Variants in CRACD observed in about 807,000 individuals in gnomAD.
CRACD encodes the protein capping protein-inhibiting regulator of actin dynamics.
In CRACD, 56 loss-of-function variants were observed where a neutral mutation model predicts 106.8. The observed-to-expected ratio is 0.52, with a 90% CI of 0.42 to 0.66. CRACD has a LOEUF of 0.66. Ranked by LOEUF, CRACD falls within the 30% of genes least tolerant of loss-of-function variation. CRACD has a pLI of 0.00. For missense variants in CRACD, 1,730 were observed against 1,623.2 expected (o/e 1.07, Z -1.13); for synonymous variants, 754 against 670.8 (o/e 1.12, Z -1.92).
intron 1 of CRACD, among the ~76,000 whole-genome samples, chr4:56,141,871 AT>A (rs1273791311): frequency 3.3e-5 from 5 of 151,366 alleles, no homozygotes; most frequent in Non-Finnish European, 7.4e-5. Flanking sequence ...TTAAAAAAAA[AT>A]TATAGAGATG....
chr4:56,268,758 T>C (rs1314054189), intron 2 of CRACD, among the ~76,000 whole-genome samples: 7 of 152,222 alleles, frequency 4.6e-5, no homozygotes, highest in Non-Finnish European at 8.8e-5. Flanking sequence ...CAGAATGTTT[T>C]TACATTTAAA....
At chr4:56,053,218 G>A (rs936830193) in intron 1 of CRACD, among the ~76,000 whole-genome samples, 2 of 152,180 alleles carry the variant, frequency 1.3e-5, no homozygotes, top group African/African-American at 4.8e-5. Context: ...GTACTTCATA[G>A]TGTATTGATT....
intron 2 of CRACD, among the ~76,000 whole-genome samples, chr4:56,258,493 T>G (rs747815441): frequency 9.2e-5 from 14 of 152,252 alleles, no homozygotes; most frequent in Admixed American, 3.9e-4. Context: ...TGATTGAGAC[T>G]TGTCTCAGAT....
At chr4:56,254,442 T>C (rs1316691558) in intron 2 of CRACD, among the ~76,000 whole-genome samples, 1 of 151,746 alleles carries the variant, frequency 6.6e-6, no homozygotes, top group Non-Finnish European at 1.5e-5. Context: ...AGTGTAGCAC[T>C]ATTCACAGAT....
intron 2 of CRACD, among the ~76,000 whole-genome samples, chr4:56,262,467 G>A (rs538960456): frequency 7.9e-5 from 12 of 152,294 alleles, no homozygotes; most frequent in African/African-American, 1.9e-4. Flanking sequence ...AGTGCAGCCA[G>A]CCCCACACAA....
At chr4:56,120,934 A>G (rs1012204391) in intron 1 of CRACD, among the ~76,000 whole-genome samples, 2 of 152,236 alleles carry the variant, frequency 1.3e-5, no homozygotes, top group Non-Finnish European at 1.5e-5. Context: ...TGCATTTCAC[A>G]TATAGAACAC....
intron 1 of CRACD, among the ~76,000 whole-genome samples, chr4:56,157,088 G>T (rs1051480382): frequency 9.2e-5 from 14 of 152,176 alleles, no homozygotes; most frequent in Non-Finnish European, 1.3e-4. Context: ...TATAATGAAT[G>T]CTTTTATTAA....
rs185905554 is a variant in CRACD at position 56,283,668 on chromosome 4, C to A, written c.-17+11176C>A. Among the ~76,000 whole-genome samples the A allele has an allele frequency of 2.6e-3, 402 of 152,318 alleles. 4 individuals carry two copies. The highest frequency in any genetic ancestry group is 0.015 in the South Asian group (71 of 4,822). On this transcript the variant is annotated intron_variant, in intron 3 of 10. Coordinates refer to ENST00000682029, the MANE Select transcript of CRACD (RefSeq NM_001393381.1). ...GGCTCACTGTGCGGCCTAATGGCGG[C>A]TGTGGCTCCTGATGCCTAGGCTCTA...
At chr4:56,263,066 AAG>A (rs1209293808) in intron 2 of CRACD, among the ~76,000 whole-genome samples, 1 of 152,098 alleles carries the variant, frequency 6.6e-6, no homozygotes, top group African/African-American at 2.4e-5. Context: ...AGGGAACTTG[AAG>A]TCTAGAAGGG....
chr4:56,223,503 T>TTA (rs1739154075), intron 2 of CRACD, among the ~76,000 whole-genome samples: 2 of 152,230 alleles, frequency 1.3e-5, no homozygotes, highest in Non-Finnish European at 2.9e-5. Context: ...TTTTAATATT[T>TTA]TAGTCTTTGT....
At chr4:56,139,867 A>G (rs1735133808) in intron 1 of CRACD, among the ~76,000 whole-genome samples, 1 of 152,196 alleles carries the variant, frequency 6.6e-6, no homozygotes, top group African/African-American at 2.4e-5. Flanking sequence ...CACATATTTA[A>G]GCTTTGCATT....
rs1317056942 is a variant in CRACD at position 56,315,640 on chromosome 4, C to T, written c.2138C>T (p.Pro713Leu). 3.1e-6 allele frequency: 5 copies of T among 1,614,048 alleles called. No individual in the cohort carries two copies. The highest frequency in any genetic ancestry group is 2.7e-5 in the African/African-American group (2 of 74,922). ...TCCCGCGGGAACCAACGGAAGACTCCGCCAGTCAATGCAAAGTTCTCTATT... is the reference window on the plus strand; with the variant it reads ...TCCCGCGGGAACCAACGGAAGACTCTGCCAGTCAATGCAAAGTTCTCTATT... ...CDSRGNQRKTPPVNAKFSIMP... is the reference protein window; with the variant it reads ...CDSRGNQRKTLPVNAKFSIMP... Residue 713 changes from proline (P) to leucine (L), a missense_variant, in exon 8 of 11, where the codon CCG becomes CTG. Physicochemically the swap from Pro to Leu is moderately conservative, Grantham distance 98. Transcript: ENST00000682029. This position sits in a 1 kb window ranked among gnomAD's most constrained non-coding sequence, Gnocchi z 4.1.
chr4:56,054,053 T>G (rs1731967405), intron 1 of CRACD, among the ~76,000 whole-genome samples: 1 of 152,198 alleles, frequency 6.6e-6, no homozygotes, highest in African/African-American at 2.4e-5. Flanking sequence ...CCTTAGTGGA[T>G]TGTTACAGTT....
chr4:56,124,411 A>G (rs1364135875), intron 1 of CRACD, among the ~76,000 whole-genome samples: 3 of 152,348 alleles, frequency 2.0e-5, no homozygotes, highest in East Asian at 3.9e-4. Context: ...TCTAGACATT[A>G]TATCATTTTA....
At chr4:56,109,670 A>G (rs1734056120) in intron 1 of CRACD, among the ~76,000 whole-genome samples, 1 of 152,174 alleles carries the variant, frequency 6.6e-6, no homozygotes, top group Admixed American at 6.5e-5. Flanking sequence ...ATTTCTGCAA[A>G]CTTTTTGTAA....
intron 3 of CRACD, among the ~76,000 whole-genome samples, chr4:56,278,770 C>T (rs1742822592): frequency 6.6e-6 from 1 of 152,092 alleles, no homozygotes; most frequent in Non-Finnish European, 1.5e-5. Flanking sequence ...AAAAACAAAA[C>T]TCCCACAACT....
chr4:56,119,965 C>T (rs1272161898), intron 1 of CRACD, among the ~76,000 whole-genome samples: 1 of 152,172 alleles, frequency 6.6e-6, no homozygotes, highest in African/African-American at 2.4e-5. Flanking sequence ...TAGCTGACTC[C>T]ACTTTAATCT....
intron 1 of CRACD, among the ~76,000 whole-genome samples, chr4:56,087,481 G>A (rs539001259): frequency 3.3e-5 from 5 of 152,198 alleles, no homozygotes; most frequent in African/African-American, 1.2e-4. Context: ...TCCTTCTTGC[G>A]GAGTCTCCTC....
intron 2 of CRACD, among the ~76,000 whole-genome samples, chr4:56,253,689 G>T (rs1741176150): frequency 6.6e-6 from 1 of 152,192 alleles, no homozygotes; most frequent in South Asian, 2.1e-4. Context: ...CTGCATTTAG[G>T]TCATAGAAAT....
Sources: allele counts gnomAD v4.1 joint callset (sites outside exome capture counted in the v4.1 genomes callset), GRCh38; gene constraint gnomAD v4.1.1; non-coding constraint Gnocchi (gnomAD v3.1); transcripts MANE v1.5; gene names NCBI Gene and HGNC (gene_info 2026-07-23, HGNC 2026-07-21).